MARCHF1: variants seen among roughly 807,000 people sequenced by gnomAD.
MARCHF1 encodes E3 ubiquitin-protein ligase MARCHF1.
Under a neutral mutation model 54.2 loss-of-function variants are expected in MARCHF1, and 40 were observed. The ratio of observed to expected loss-of-function variants is 0.74; its 90% CI spans 0.57 to 0.96. The LOEUF (loss-of-function observed/expected upper bound fraction) is 0.96, where lower values mean the gene tolerates loss of function less well. Among genes scored for constraint, MARCHF1 ranks in the 40% least tolerant of loss-of-function variants. MARCHF1 has a pLI of 0.00. For missense variants in MARCHF1, 586 were observed against 656.5 expected (o/e 0.89, Z 1.17); for synonymous variants, 236 against 236.3 (o/e 1.00, Z 0.01).
intron 1 of MARCHF1, among the ~76,000 whole-genome samples, chr4:164,226,036 C>T (rs1732242814): frequency 6.6e-6 from 1 of 152,006 alleles, no homozygotes; most frequent in Non-Finnish European, 1.5e-5. Context: ...AAGAATTTTA[C>T]ACAATCAACT....
rs983439136 is a variant in MARCHF1 at position 163,607,696 on chromosome 4, C to A, written c.1010+4575G>T. Among the ~76,000 whole-genome samples the A allele has an allele frequency of 2.0e-5, 3 of 152,080 alleles. 1 individual carries two copies. The highest frequency in any genetic ancestry group is 2.9e-5 in the Non-Finnish European group (2 of 67,984). On this transcript the variant is annotated intron_variant, in intron 7 of 9. Transcript: ENST00000514618. ...GCTTTTCAAATACATTCTTTAGATTCTTTTCTCTCCTTTCTCTTCCTATCT... is the reference window on the plus strand; with the variant it reads ...GCTTTTCAAATACATTCTTTAGATTATTTTCTCTCCTTTCTCTTCCTATCT...
intron 8 of MARCHF1, among the ~76,000 whole-genome samples, chr4:163,551,466 A>G (rs1739104591): frequency 6.6e-6 from 1 of 152,216 alleles, no homozygotes; most frequent in Non-Finnish European, 1.5e-5. Flanking sequence ...TGACCTCTGC[A>G]GACCTTTAGT....
chr4:164,006,098 A>G (rs888189865), intron 2 of MARCHF1, among the ~76,000 whole-genome samples: 2 of 152,156 alleles, frequency 1.3e-5, no homozygotes, highest in Non-Finnish European at 2.9e-5. Context: ...CAGAACCATG[A>G]CCTCAACAAA....
intron 2 of MARCHF1, among the ~76,000 whole-genome samples, chr4:164,066,877 G>A (rs1001274105): frequency 7.2e-5 from 11 of 152,186 alleles, no homozygotes; most frequent in Middle Eastern, 3.4e-3. Flanking sequence ...GAAGGGTGGC[G>A]GGTGAGAAGA....
intron 4 of MARCHF1, among the ~76,000 whole-genome samples, chr4:163,847,425 ATTGT>A (rs1234099856): frequency 5.3e-5 from 8 of 151,780 alleles, no homozygotes; most frequent in Non-Finnish European, 1.0e-4. Flanking sequence ...ATTTCTAGAG[ATTGT>A]TTATGTTAAA....
chr4:163,741,444 G>A (rs577539656), intron 4 of MARCHF1, among the ~76,000 whole-genome samples: 1 of 152,178 alleles, frequency 6.6e-6, no homozygotes, highest in African/African-American at 2.4e-5. Context: ...TTAGCCGGGC[G>A]TGGTGGCACA....
rs143427178 is a variant in MARCHF1, at chr4:163,681,845, T to C, written c.162+18968A>G. ...GTAGCAGTAGAGTGGGGTGTTGCTG[T>C]AAGGATACCAGAAAATGTGGAAGCA... is the stretch of plus-strand genomic sequence containing the variant. On this transcript the variant is annotated intron_variant, in intron 5 of 9. Transcript: ENST00000514618. Among the ~76,000 whole-genome samples, 398 of 152,148 alleles carry C rather than the reference T, an allele frequency of 2.6e-3. 2 individuals carry two copies. Among genetic ancestry groups the C allele is most frequent in the African/African-American group, 9.2e-3 (383 of 41,506 alleles).
At chr4:164,155,713 T>C (rs996230207) in intron 1 of MARCHF1, among the ~76,000 whole-genome samples, 1 of 152,156 alleles carries the variant, frequency 6.6e-6, no homozygotes, top group East Asian at 1.9e-4. Flanking sequence ...ATGGGTATAA[T>C]ACCCATTAAT....
At chr4:163,663,120 G>A (rs1743404544) in intron 5 of MARCHF1, among the ~76,000 whole-genome samples, 1 of 151,946 alleles carries the variant, frequency 6.6e-6, no homozygotes, top group Non-Finnish European at 1.5e-5. Context: ...ACAGAATTCA[G>A]GCCAAAATAA....
chr4:163,645,352 C>CTAA (rs1056854275), intron 5 of MARCHF1, among the ~76,000 whole-genome samples: 8 of 152,152 alleles, frequency 5.3e-5, no homozygotes, highest in Non-Finnish European at 1.2e-4. Flanking sequence ...CACATCACAC[C>CTAA]TGGAACCTAA....
At chr4:163,793,730 A>T (rs1358639484) in intron 4 of MARCHF1, among the ~76,000 whole-genome samples, 3 of 152,210 alleles carry the variant, frequency 2.0e-5, no homozygotes, top group Admixed American at 6.5e-5. Context: ...GACATTGTAC[A>T]GAAAAGCACT....
intron 5 of MARCHF1, among the ~76,000 whole-genome samples, chr4:163,640,518 T>C (rs1484366161): frequency 6.6e-6 from 1 of 152,122 alleles, no homozygotes; most frequent in East Asian, 1.9e-4. Flanking sequence ...AGTGCAAATA[T>C]AAAAGGACAG....
chr4:163,597,741 T>A (rs1276126561), intron 7 of MARCHF1, among the ~76,000 whole-genome samples: 1 of 152,208 alleles, frequency 6.6e-6, no homozygotes, highest in African/African-American at 2.4e-5. Flanking sequence ...GATTTATATA[T>A]CTGAACAATT....
intron 1 of MARCHF1, among the ~76,000 whole-genome samples, chr4:164,120,719 T>A (rs575163246): frequency 6.6e-6 from 1 of 152,132 alleles, no homozygotes; most frequent in East Asian, 1.9e-4. Context: ...TTAAACAATA[T>A]GCTCCCGAAT....
At chr4:164,127,414 G>A (rs1312308841) in intron 1 of MARCHF1, among the ~76,000 whole-genome samples, 1 of 152,132 alleles carries the variant, frequency 6.6e-6, no homozygotes, top group Admixed American at 6.6e-5. Flanking sequence ...TGCTCACTAT[G>A]TTCACTTGTG....
rs1253420484 is a variant in MARCHF1, at chr4:163,900,107, A to G, written c.-38-45938T>C. On this transcript the variant is annotated intron_variant, in intron 3 of 9. Transcript: ENST00000514618. ...CATTGCCTTCATCAAGATTTTATTT[A>G]TAATCTTTTGCTACTAATATTTATT... Among the ~76,000 whole-genome samples, 8 of 151,990 alleles carry G rather than the reference A, an allele frequency of 5.3e-5. No homozygotes were observed. The East Asian group carries it at 1.5e-3, about 29-fold the overall frequency.
chr4:163,864,266 G>C (rs1243515870), intron 3 of MARCHF1, among the ~76,000 whole-genome samples: 1 of 151,820 alleles, frequency 6.6e-6, no homozygotes. Flanking sequence ...TGTTGGAAAT[G>C]GTACTTTACC....
chr4:164,381,380 ACTTT>A (rs1731366119), intron 1 of MARCHF1, among the ~76,000 whole-genome samples: 1 of 152,206 alleles, frequency 6.6e-6, no homozygotes, highest in South Asian at 2.1e-4. Context: ...ATATGCTTAT[ACTTT>A]CTGAGAAATT....
At chr4:163,701,646 T>C (rs1744811887) in intron 4 of MARCHF1, among the ~76,000 whole-genome samples, 1 of 152,220 alleles carries the variant, frequency 6.6e-6, no homozygotes, top group South Asian at 2.1e-4. Context: ...TGCTGATAGA[T>C]GATCAACTGG....
Sources: allele counts gnomAD v4.1 joint callset (sites outside exome capture counted in the v4.1 genomes callset), GRCh38; gene constraint gnomAD v4.1.1; transcripts MANE v1.5; gene names NCBI Gene and HGNC (gene_info 2026-07-23, HGNC 2026-07-21).